The following FABP4 variants were observed in gnomAD, a reference collection of about 807,000 sequenced individuals.
FABP4 encodes fatty acid binding protein 4, also known as fatty acid-binding protein, adipocyte.
In FABP4, 17 loss-of-function variants were observed where a neutral mutation model predicts 14.6. That is an observed-to-expected ratio of 1.16 (90% CI 0.80 to 1.74). The LOEUF (loss-of-function observed/expected upper bound fraction) is 1.74, where lower values mean the gene tolerates loss of function less well. Ranked by LOEUF, FABP4 falls within the 40% of genes most tolerant of loss-of-function variation. The probability of loss-of-function intolerance (pLI) is 0.00; values close to 1 mark genes in which losing one functional copy is unlikely to be tolerated. For missense variants in FABP4, 149 were observed against 160.3 expected, an observed-to-expected ratio of 0.93 and a Z score of 0.38; for synonymous variants, 54 against 54.6, an observed-to-expected ratio of 0.99 and a Z score of 0.05.
rs771796240 is a variant in FABP4, at chr8:81,480,573, C to T, written c.99G>A (p.Val33=). 1 of 1,611,804 alleles carries T rather than the reference C, an allele frequency of 6.2e-7. No individual in the cohort carries two copies. Among genetic ancestry groups the T allele is most frequent in the Admixed American group, 1.7e-5 (1 of 59,724 alleles). ...EVGVGFATRK[V]AGMAKPNMII... ...TCATGTTAGGTTTGGCCATGCCAGC[C>T]ACTTTCCTGGTGGCAAAGCCCACTC... The change falls in exon 2 of 4, where the codon GTG becomes GTA. Residue 33 remains valine, a synonymous_variant. Coordinates refer to ENST00000256104, the MANE Select transcript of FABP4 (RefSeq NM_001442.3).
intron 1 of FABP4, among the ~76,000 whole-genome samples, chr8:81,482,870 C>T (rs1051118435): frequency 2.0e-5 from 3 of 152,070 alleles, no homozygotes; most frequent in Non-Finnish European, 4.4e-5. Context: ...CATTTAGACA[C>T]CTTTTTATAT....
In FABP4 at chr8:81,478,839, T is replaced by C; in HGVS notation, c.*26A>G. 1 of 1,606,876 alleles carries C rather than the reference T, an allele frequency of 6.2e-7. No individual in the cohort carries two copies. The highest frequency in any genetic ancestry group is 8.5e-7 in the Non-Finnish European group (1 of 1,174,880). On this transcript the variant is annotated 3_prime_UTR_variant, in exon 4 of 4. Transcript: ENST00000256104. ...GAATGTTGTAGAGTTCAATGCGAAC[T>C]TCAGTCCAGGTCAACGTCCCTTGGC...
intron 1 of FABP4, among the ~76,000 whole-genome samples, chr8:81,482,590 A>G (rs1318588220): frequency 6.6e-6 from 1 of 152,228 alleles, no homozygotes; most frequent in East Asian, 1.9e-4. Context: ...TGTCTATCAT[A>G]AAACAACCAC....
In FABP4 at chr8:81,480,480, G is replaced by A; in HGVS notation, c.192C>T (p.Ser64=). 2 of 1,613,630 alleles carry A rather than the reference G, an allele frequency of 1.2e-6. No individual in the cohort carries two copies. The highest frequency in any genetic ancestry group is 1.7e-6 in the Non-Finnish European group (2 of 1,179,726). Residue 64 remains serine (S), a synonymous_variant, in exon 2 of 4, where the codon TCC becomes TCT. Transcript: ENST00000256104. ...CGTCAAATTCCTGGCCCAGTATGAA[G>A]GAAATCTCAGTATTTTTAAAGGTAC... is the stretch of plus-strand genomic sequence containing the variant. ...SESTFKNTEI[S]FILGQEFDEV...
chr8:81,481,495 C>A (rs1050516164), intron 1 of FABP4, among the ~76,000 whole-genome samples: 9 of 152,194 alleles, frequency 5.9e-5, no homozygotes, highest in African/African-American at 2.2e-4. Context: ...CAGTAACTTG[C>A]TGACACTGTG....
intron 1 of FABP4, among the ~76,000 whole-genome samples, 167 bp from the exon 2 acceptor site, chr8:81,480,765 A>G (rs1470668167): frequency 6.9e-6 from 1 of 145,348 alleles, no homozygotes; most frequent in African/African-American, 2.6e-5. Context: ...TCAGGCCAAT[A>G]CTTAAAAAAA....
rs1808032265 is a variant in FABP4, at chr8:81,479,467, C to A, written c.295G>T (p.Asp99Tyr). The change falls in exon 3 of 4, where the codon GAT (aspartate) becomes TAT (tyrosine). Residue 99 changes from aspartate to tyrosine, a missense_variant. Asp to Tyr is a radical substitution (Grantham distance 160). Transcript: ENST00000256104. ...CTCTTTATGGTGGTTGATTTTCCAT[C>A]CCATTTCTGCACATGTACCAGGACA... Reference protein sequence around the residue: ...GGVLVHVQKWDGKSTTIKRKR... With the variant: ...GGVLVHVQKWYGKSTTIKRKR... The A allele has an allele frequency of 1.2e-6, 2 of 1,613,286 alleles. No individual in the cohort carries two copies. The highest frequency in any genetic ancestry group is 2.7e-5 in the African/African-American group (2 of 74,860).
chr8:81,481,212 T>G (rs1808075023), intron 1 of FABP4, among the ~76,000 whole-genome samples: 1 of 152,212 alleles, frequency 6.6e-6, no homozygotes, highest in African/African-American at 2.4e-5. Flanking sequence ...AAGATTTTCA[T>G]GAATTTCTAC....
At chr8:81,480,319 T>A in intron 2 of FABP4, 107 bp downstream of exon 2, 1 of 1,111,898 alleles carries the variant, frequency 9.0e-7, no homozygotes, top group Non-Finnish European at 1.3e-6. Flanking sequence ...CAGGGATCTT[T>A]GGCTTATGAT....
In FABP4 at chr8:81,478,853, A is replaced by G. The variant is rs1261993550; in HGVS notation, c.*12T>C. On this transcript the variant is annotated 3_prime_UTR_variant, in exon 4 of 4. Transcript: ENST00000256104. ...TCAATGCGAACTTCAGTCCAGGTCA[A>G]CGTCCCTTGGCTTATGCTCTCTCAT... The G allele has an allele frequency of 1.1e-5, 17 of 1,611,908 alleles. No homozygotes were observed. Among genetic ancestry groups the G allele is most frequent in the Middle Eastern group, 1.7e-4 (1 of 6,040 alleles).
At chr8:81,482,228 A>G (rs2129802010) in intron 1 of FABP4, among the ~76,000 whole-genome samples, 1 of 152,240 alleles carries the variant, frequency 6.6e-6, no homozygotes, top group East Asian at 1.9e-4. Flanking sequence ...TACATTCTAA[A>G]CCCTAAGATT....
intron 2 of FABP4, 135 bp downstream of exon 2, chr8:81,480,291 A>C: frequency 1.3e-6 from 1 of 779,530 alleles, no homozygotes; most frequent in Non-Finnish European, 2.0e-6. Flanking sequence ...AAGGAAACAC[A>C]GTTTAGATGT....
At position 81,478,731 on chromosome 8, in the gene FABP4, T is replaced by C. The variant is rs1808009846; in HGVS notation, c.*134A>G. 1 of 746,598 alleles carries C rather than the reference T, an allele frequency of 1.3e-6. No individual in the cohort carries two copies. Among genetic ancestry groups the C allele is most frequent in the African/African-American group, 1.8e-5 (1 of 56,862 alleles). 46.2% of individuals were successfully genotyped at this position (746,598 alleles called of 1,614,324 possible). A position where few individuals can be genotyped will look rare whatever the true frequency, so the allele number is the denominator to read the frequency against. ...GTTTATTTAACCAACGTAACCATATTGAATAAAATCAGCTTGGGAGAAAAT... is the reference window on the plus strand; with the variant it reads ...GTTTATTTAACCAACGTAACCATATCGAATAAAATCAGCTTGGGAGAAAAT... On this transcript the variant is annotated 3_prime_UTR_variant, in exon 4 of 4. Coordinates refer to ENST00000256104, the MANE Select transcript of FABP4 (RefSeq NM_001442.3).
In FABP4 at chr8:81,483,194, C is replaced by T; in HGVS notation, c.-27G>A. The T allele has an allele frequency of 1.3e-6, 2 of 1,593,054 alleles. No individual in the cohort carries two copies. Among genetic ancestry groups the T allele is most frequent in the Non-Finnish European group, 1.7e-6 (2 of 1,167,178 alleles). On this transcript the variant is annotated 5_prime_UTR_variant, in exon 1 of 4. Transcript: ENST00000256104. ...TTGTGAGTTTTCTAGGATTATTCTT[C>T]AAGGTGAGAAGGAAGCTGCAGTTTT...
chr8:81,481,107 C>T (rs1224872990), intron 1 of FABP4, among the ~76,000 whole-genome samples: 3 of 152,102 alleles, frequency 2.0e-5, no homozygotes, highest in African/African-American at 7.2e-5. Context: ...GTTAAAGGTT[C>T]GTCTGTTTTG....
At chr8:81,480,638 C>A in intron 1 of FABP4, 40 bp from the exon 2 acceptor site, 1 of 1,558,876 alleles carries the variant, frequency 6.4e-7, no homozygotes, top group Non-Finnish European at 8.7e-7. Flanking sequence ...TTTACATTTT[C>A]TCTCACGTAC....
In FABP4 at chr8:81,480,471, CAGTATGAAGG is replaced by C; in HGVS notation, c.191_200del (p.Ser64TrpfsTer19). On this transcript the variant is annotated frameshift_variant, in exon 2 of 4. Transcript: ENST00000256104. LOFTEE classifies it high-confidence loss of function. ...CAGTGACTTCGTCAAATTCCTGGCC[CAGTATGAAGG>C]AAATCTCAGTATTTTTAAAGGTACT... 6.2e-7 allele frequency: 1 copy of C among 1,613,736 alleles called. No individual in the cohort carries two copies. Among genetic ancestry groups the C allele is most frequent in the Non-Finnish European group, 8.5e-7 (1 of 1,179,788 alleles).
chr8:81,479,609 C>G (rs1426703019), intron 2 of FABP4, 94 bp from the exon 3 acceptor site: 3 of 786,406 alleles, frequency 3.8e-6, no homozygotes, highest in African/African-American at 1.7e-5. Flanking sequence ...ATTTTGAGGT[C>G]ATTAGTAATT....
At position 81,478,762 on chromosome 8, in the gene FABP4, G is replaced by T; in HGVS notation, c.*103C>A. ...AAATCAGCTTGGGAGAAAATTAGTT[G>T]CTTGCTAAATCATGGAAAACAACAA... On this transcript the variant is annotated 3_prime_UTR_variant, in exon 4 of 4. Transcript: ENST00000256104. The T allele has an allele frequency of 2.8e-6, 3 of 1,073,556 alleles. No individual in the cohort carries two copies. The highest frequency in any genetic ancestry group is 2.3e-5 in the Admixed American group (1 of 43,074). The allele number at this position is 1,073,556 out of a possible 1,614,324, so 66.5% of individuals were successfully genotyped here. A position where few individuals can be genotyped will look rare whatever the true frequency, so the allele number is the denominator to read the frequency against.
Sources: gnomAD v4.1 joint callset for allele counts (sites outside exome capture counted in the v4.1 genomes callset) on GRCh38, gnomAD v4.1.1 for gene constraint, MANE v1.5 for transcripts, NCBI Gene and HGNC (gene_info 2026-07-23, HGNC 2026-07-21) for gene names.